The following VIPR1 variants were observed in gnomAD, a reference collection of about 807,000 sequenced individuals.
VIPR1 encodes the protein vasoactive intestinal peptide receptor 1, also known as vasoactive intestinal polypeptide receptor 1.
In VIPR1, 59 loss-of-function variants were observed where a neutral mutation model predicts 58.8. The observed-to-expected ratio is 1.00, with a 90% CI of 0.81 to 1.25. The LOEUF is 1.25. VIPR1 is among the 50% of genes most tolerant of loss of function. VIPR1 has a pLI of 0.00. For missense variants in VIPR1, 626 were observed against 602.7 expected (o/e 1.04, Z -0.40); for synonymous variants, 251 against 242.1 (o/e 1.04, Z -0.34).
rs371194027 is a variant in VIPR1, at chr3:42,525,969, T to C, written c.375T>C (p.Asp125=). Reference sequence around the variant, plus strand: ...CGTACCCCATTGCCTGTGGTTTGGATGACAAGGCAGCGAGTTTGGATGAGG... The same window carrying C: ...CGTACCCCATTGCCTGTGGTTTGGACGACAAGGCAGCGAGTTTGGATGAGG... ...PGPYPIACGL[D]DKAASLDEQQ... The change falls in exon 4 of 13, where the codon GAT becomes GAC. Residue 125 remains aspartate, a synonymous_variant. Transcript: ENST00000325123. 6 of 1,613,266 alleles carry C rather than the reference T, an allele frequency of 3.7e-6. No individual in the cohort carries two copies. Among genetic ancestry groups the C allele is most frequent in the Non-Finnish European group, 5.1e-6 (6 of 1,179,748 alleles).
At chr3:42,499,313 C>T (rs946749029), upstream of VIPR1, among the ~76,000 whole-genome samples, 9 of 152,172 alleles carry the variant, frequency 5.9e-5, no homozygotes, top group Admixed American at 2.0e-4. Flanking sequence ...AGTGAGTGCA[C>T]GATTCTGAGA....
At chr3:42,531,005 T>C (rs1464070095) in intron 7 of VIPR1, 73 bp downstream of exon 7, 12 of 1,573,106 alleles carry the variant, frequency 7.6e-6, no homozygotes, top group East Asian at 2.3e-5. Context: ...AGGGGGAGGG[T>C]GCCAACCCAG....
intron 1 of VIPR1, among the ~76,000 whole-genome samples, chr3:42,505,417 C>T (rs545848957): frequency 6.6e-6 from 1 of 152,324 alleles, no homozygotes; most frequent in African/African-American, 2.4e-5. Context: ...TCCTGAAGGC[C>T]TTGCCTTGCC....
At chr3:42,530,464 T>G in intron 6 of VIPR1, 1 of 275,862 alleles carries the variant, frequency 3.6e-6, no homozygotes, top group Non-Finnish European at 7.0e-6. Flanking sequence ...AGTGGGTGAG[T>G]GGGTAAATAA....
intron 1 of VIPR1, among the ~76,000 whole-genome samples, chr3:42,497,153 T>C (rs969125398): frequency 1.3e-5 from 2 of 152,200 alleles, no homozygotes; most frequent in Admixed American, 6.5e-5. Context: ...TGAGATCCCC[T>C]GTGGAGTTAG....
chr3:42,534,811 A>G (rs1351289244), intron 10 of VIPR1, 164 bp from the exon 11 acceptor site: 3 of 889,950 alleles, frequency 3.4e-6, no homozygotes, highest in Middle Eastern at 3.6e-4. Flanking sequence ...GCTGTGGAAC[A>G]GGAGCAGACA....
rs1163289927 is a variant in VIPR1 at position 42,513,749 on chromosome 3, G to A, written c.79G>A (p.Gly27Ser). ...GGGCCCTCCCTGTCTTTGTTCTCAG[G>A]GCGGCCAGGCGGCCAGGCTGCAGGA... is the stretch of plus-strand genomic sequence containing the variant. ...GALAWALGPA[G>S]GQAARLQEEC... The change falls in exon 2 of 13, where the codon GGC becomes AGC. Residue 27 changes from glycine (G) to serine (S), a missense_variant and splice_region_variant. Gly to Ser is a moderately conservative substitution (Grantham distance 56). Transcript: ENST00000325123. 1 of 1,551,248 alleles carries A rather than the reference G, an allele frequency of 6.4e-7. No homozygotes were observed. Among genetic ancestry groups the A allele is most frequent in the South Asian group, 1.2e-5 (1 of 84,032 alleles).
chr3:42,491,087 G>A, intron 1 of VIPR1, among the ~76,000 whole-genome samples: 1 of 152,170 alleles, frequency 6.6e-6, no homozygotes, highest in East Asian at 1.9e-4. Flanking sequence ...AACTTTGACA[G>A]GAGGATGCCC....
chr3:42,522,558 A>ATTATTT (rs1701007127), intron 3 of VIPR1, among the ~76,000 whole-genome samples: 1 of 152,112 alleles, frequency 6.6e-6, no homozygotes, highest in Non-Finnish European at 1.5e-5. Context: ...TGATGCTATA[A>ATTATTT]ATAAGAAAAC....
chr3:42,499,643 T>A (rs1260045461), upstream of VIPR1, among the ~76,000 whole-genome samples: 2 of 151,944 alleles, frequency 1.3e-5, no homozygotes, highest in Non-Finnish European at 2.9e-5. Context: ...CGACTATGGC[T>A]CTCCTCCTCA....
chr3:42,520,120 A>G (rs979792194), intron 3 of VIPR1, among the ~76,000 whole-genome samples: 2 of 152,204 alleles, frequency 1.3e-5, no homozygotes, highest in Non-Finnish European at 1.5e-5. Flanking sequence ...GTGAGAAAGA[A>G]CCACCAGGCA....
At chr3:42,522,101 ATT>A (rs1158302778) in intron 3 of VIPR1, among the ~76,000 whole-genome samples, 200 of 35,256 alleles carry the variant, frequency 5.7e-3, no homozygotes, top group Middle Eastern at 0.026. Context: ...ATATATATAT[ATT>A]TTTTTTTTTT....
chr3:42,530,586 C>G (rs769766224), intron 6 of VIPR1, 193 bp from the exon 7 acceptor site: 14 of 596,802 alleles, frequency 2.3e-5, no homozygotes, highest in Non-Finnish European at 3.7e-5. Flanking sequence ...CCAGTTTATC[C>G]CGAAGTATCA....
Position 42,531,530 on chromosome 3 carries a change from G to A in VIPR1, c.850G>A (p.Gly284Arg), listed in dbSNP as rs138536649. The change falls in exon 8 of 13, where the codon GGG becomes AGG. Residue 284 changes from glycine to arginine, a missense_variant and splice_region_variant. Physicochemically the swap from Gly to Arg is moderately radical, Grantham distance 125. Transcript: ENST00000325123. ...TIARIHFEDY[G>R]CWDTINSSLW... ...CGCCAGGATCCATTTTGAGGATTAT[G>A]GGTGAGCTGCTGCCCCACACACTCC... 3.6e-5 allele frequency: 58 copies of A among 1,595,904 alleles called. No individual in the cohort carries two copies. In the African/African-American group the frequency reaches 7.4e-4, roughly 20 times the overall value.
At chr3:42,531,168 C>A (rs1271752138) in intron 7 of VIPR1, 1 of 623,416 alleles carries the variant, frequency 1.6e-6, no homozygotes, top group African/African-American at 1.8e-5. Context: ...TTGTGAACAT[C>A]TTTCCATTTC....
intron 1 of VIPR1, among the ~76,000 whole-genome samples, chr3:42,489,909 T>C (rs1454060441): frequency 6.6e-6 from 1 of 152,068 alleles, no homozygotes; most frequent in Non-Finnish European, 1.5e-5. Context: ...TCTCCCACCA[T>C]AGGTTACACA....
Position 42,530,888 on chromosome 3 carries a change from T to A in VIPR1, c.746T>A (p.Phe249Tyr). 2 of 1,614,078 alleles carry A rather than the reference T, an allele frequency of 1.2e-6. No homozygotes were observed. Among genetic ancestry groups the A allele is most frequent in the Non-Finnish European group, 1.7e-6 (2 of 1,179,956 alleles). ...YLYTLLAVSF[F>Y]SERKYFWGYI... ...TACACCCTGCTTGCCGTCTCCTTCT[T>A]CTCTGAGCGGAAGTACTTCTGGGGG... The change falls in exon 7 of 13, where the codon TTC becomes TAC. Residue 249 changes from phenylalanine to tyrosine, a missense_variant. Coordinates refer to ENST00000325123, the MANE Select transcript of VIPR1 (RefSeq NM_004624.4).
At chr3:42,493,272 C>T (rs1215027788) in intron 1 of VIPR1, among the ~76,000 whole-genome samples, 3 of 152,156 alleles carry the variant, frequency 2.0e-5, no homozygotes, top group Non-Finnish European at 2.9e-5. Context: ...CACCAGCCTA[C>T]CTTGCCACTG....
chr3:42,529,857 C>G (rs1701441673), intron 6 of VIPR1: 1 of 152,260 alleles, frequency 6.6e-6, no homozygotes, highest in Non-Finnish European at 1.5e-5. Context: ...ATGGGTCTCC[C>G]TAACTCCTTC....
Sources: allele counts gnomAD v4.1 joint callset (sites outside exome capture counted in the v4.1 genomes callset), GRCh38; gene constraint gnomAD v4.1.1; transcripts MANE v1.5; gene names NCBI Gene and HGNC (gene_info 2026-07-23, HGNC 2026-07-21).